Variants in POC1B observed in about 807,000 individuals in gnomAD.
The protein encoded by POC1B is POC1 centriolar protein homolog B.
In POC1B, 44 loss-of-function variants were observed where a neutral mutation model predicts 60.6. The ratio of observed to expected loss-of-function variants is 0.73; its 90% CI spans 0.57 to 0.93. POC1B has a LOEUF of 0.93. Ranked by LOEUF, POC1B falls within the 40% of genes least tolerant of loss-of-function variation. The pLI, the probability that POC1B is intolerant of heterozygous loss-of-function variation, is 0.00. For synonymous variants in POC1B, 180 were observed against 198.9 expected (o/e 0.90, Z 0.80); for missense variants, 555 against 572.3 (o/e 0.97, Z 0.31).
intron 2 of POC1B, chr12:89,523,221 G>C (rs753721170): frequency 6.2e-7 from 1 of 1,613,916 alleles, no homozygotes; most frequent in Admixed American, 1.7e-5. Flanking sequence ...CCCCATGCCA[G>C]CCTGGTCTAT....
intron 10 of POC1B, among the ~76,000 whole-genome samples, chr12:89,451,990 A>G (rs548437720): frequency 1.2e-4 from 18 of 152,288 alleles, no homozygotes; most frequent in African/African-American, 4.3e-4. Flanking sequence ...GGAGACAAGC[A>G]CTTTTCAGGG....
chr12:89,431,759 G>A (rs913410297), intron 10 of POC1B, among the ~76,000 whole-genome samples: 6 of 152,212 alleles, frequency 3.9e-5, no homozygotes, highest in African/African-American at 1.4e-4. Flanking sequence ...TACTGCTGCT[G>A]TAACAAATTA....
chr12:89,466,962 C>T lies in POC1B; in HGVS notation c.880-40G>A, dbSNP rs750477410. 6 of 1,564,712 alleles carry T rather than the reference C, an allele frequency of 3.8e-6. No individual in the cohort carries two copies. In the African/African-American group the frequency reaches 8.1e-5, roughly 21 times the overall value. On this transcript the variant is annotated intron_variant, in intron 8 of 11. Transcript: ENST00000313546. ...AATGATGTTGGCAGTTATTGACTTG[C>T]ATGTACAAGCAATAGAGCTGATTTT...
At chr12:89,473,675 A>G (rs1234036833) in intron 4 of POC1B, among the ~76,000 whole-genome samples, 1 of 151,434 alleles carries the variant, frequency 6.6e-6, no homozygotes, top group Admixed American at 6.6e-5. Flanking sequence ...AGAAAAAAAA[A>G]AAAAAAAAAA....
At chr12:89,407,188 G>C in the POC1B span, among the ~76,000 whole-genome samples, 1 of 146,936 alleles carries the variant, frequency 6.8e-6, no homozygotes, top group Non-Finnish European at 1.5e-5. Context: ...CAGAAATCTA[G>C]ATTTTCACTT....
At position 89,497,175 on chromosome 12, in the gene POC1B, C is replaced by T; in HGVS notation, c.268G>A (p.Asp90Asn). Residue 90 changes from aspartate to asparagine, a missense_variant, in exon 3 of 12, where the codon GAT becomes AAT. Coordinates refer to ENST00000313546, the MANE Select transcript of POC1B (RefSeq NM_172240.3). Reference sequence around the variant, plus strand: ...GTGTTTCTTTGTTTCTCTTACTTATCAGGAATCCAGAGTCTCACGGTTCTG... The same window carrying T: ...GTGTTTCTTTGTTTCTCTTACTTATTAGGAATCCAGAGTCTCACGGTTCTG... ...RDRTVRLWIPDKRGKFSEFKA... is the reference protein window; with the variant it reads ...RDRTVRLWIPNKRGKFSEFKA... 1 of 1,611,360 alleles carries T rather than the reference C, an allele frequency of 6.2e-7. No homozygotes were observed. The highest frequency in any genetic ancestry group is 8.5e-7 in the Non-Finnish European group (1 of 1,178,970).
At chr12:89,512,451 A>AC (rs571813537) in intron 2 of POC1B, among the ~76,000 whole-genome samples, 2,236 of 152,276 alleles carry the variant, frequency 0.015, 43 homozygotes, top group Middle Eastern at 0.048. Context: ...TGGGCCTAGT[A>AC]TTTTTCAATA....
chr12:89,457,102 T>C (rs1220666204), intron 10 of POC1B, among the ~76,000 whole-genome samples: 5 of 152,156 alleles, frequency 3.3e-5, no homozygotes, highest in Non-Finnish European at 7.4e-5. Flanking sequence ...TAAACACTAC[T>C]TTTTTTGGCT....
At chr12:89,489,134 A>C (rs531185775) in intron 4 of POC1B, among the ~76,000 whole-genome samples, 1 of 152,226 alleles carries the variant, frequency 6.6e-6, no homozygotes, top group Non-Finnish European at 1.5e-5. Context: ...TTTAGTAAGA[A>C]TGAGTGTCCA....
chr12:89,491,936 T>G lies in POC1B; in HGVS notation c.452A>C (p.Lys151Thr), dbSNP rs1351222463. 1 of 1,498,450 alleles carries G rather than the reference T, an allele frequency of 6.7e-7. No homozygotes were observed. The highest frequency in any genetic ancestry group is 1.4e-5 in the African/African-American group (1 of 70,840). 92.8% of individuals were successfully genotyped at this position (1,498,450 alleles called of 1,614,324 possible). A position where few individuals can be genotyped will look rare whatever the true frequency, so the allele number is the denominator to read the frequency against. Residue 151 changes from lysine to threonine, a missense_variant and splice_region_variant, in exon 4 of 12, where the codon AAA (lysine) becomes ACA (threonine). Transcript: ENST00000313546. ...TTAATATGAAATTTTTTGCACTTAC[T>G]TGGCACAGCGTACCCAGTGTGTATG... is the stretch of plus-strand genomic sequence containing the variant. ...YRHTHWVRCA[K>T]FSPDGRLIVS...
chr12:89,470,994 AG>A (rs571242049), intron 6 of POC1B, among the ~76,000 whole-genome samples: 2 of 152,234 alleles, frequency 1.3e-5, no homozygotes, highest in African/African-American at 2.4e-5. Context: ...CTGTGTAAGC[AG>A]GAAGACCTAA....
At chr12:89,453,124 A>G (rs1882121004) in intron 10 of POC1B, among the ~76,000 whole-genome samples, 1 of 152,166 alleles carries the variant, frequency 6.6e-6, no homozygotes. Flanking sequence ...GTTAGTTATC[A>G]TGTATGTTCT....
chr12:89,500,283 G>A (rs1312037944), intron 2 of POC1B: 7 of 1,542,016 alleles, frequency 4.5e-6, no homozygotes, highest in Admixed American at 1.8e-5. Flanking sequence ...AATTCAACAC[G>A]CAAAATAAAA....
intron 10 of POC1B, among the ~76,000 whole-genome samples, chr12:89,435,994 G>A (rs776602663): frequency 1.3e-5 from 2 of 151,558 alleles, no homozygotes; most frequent in Non-Finnish European, 2.9e-5. Context: ...CGCCAGGCTG[G>A]AATGTAGTGG....
chr12:89,475,643 T>C (rs1267581702), intron 4 of POC1B, among the ~76,000 whole-genome samples: 2 of 152,130 alleles, frequency 1.3e-5, no homozygotes, highest in African/African-American at 4.8e-5. Context: ...AAATAACATC[T>C]AACTAGACTT....
At chr12:89,494,215 T>TTTA (rs1869128865) in intron 3 of POC1B, among the ~76,000 whole-genome samples, 8 of 141,156 alleles carry the variant, frequency 5.7e-5, no homozygotes, top group Non-Finnish European at 9.7e-5. Context: ...AATTTTATTT[T>TTTA]TTTATTTTTA....
At chr12:89,494,486 CTTTGAGGGGAGGTGTTGTGACT>C (rs909362317) in intron 3 of POC1B, among the ~76,000 whole-genome samples, 11 of 152,254 alleles carry the variant, frequency 7.2e-5, no homozygotes, top group African/African-American at 2.6e-4. Flanking sequence ...TTTCCCCTCC[CTTTGAGGGGAGGTGTTGTGACT>C]TTTGAGGGGA....
rs752236027 is a variant in POC1B, at chr12:89,523,608, A to T, written c.100+1512T>A. ...ACTGAAAATATTTCTTGCTGACAGC[A>T]AACAGTCCTCCAGCCATGGTAGGTG... On this transcript the variant is annotated intron_variant, in intron 2 of 11. Transcript: ENST00000313546. 1.9e-6 allele frequency: 3 copies of T among 1,558,786 alleles called. No individual in the cohort carries two copies. In the South Asian group the frequency reaches 3.8e-5, roughly 20 times the overall value.
At chr12:89,411,858 AC>A in the POC1B span, among the ~76,000 whole-genome samples, 1 of 152,032 alleles carries the variant, frequency 6.6e-6, no homozygotes, top group Non-Finnish European at 1.5e-5. Context: ...AAAAAGCAAC[AC>A]CCCCTTGCAA....
Sources: gnomAD v4.1 joint callset for allele counts (sites outside exome capture counted in the v4.1 genomes callset) on GRCh38, gnomAD v4.1.1 for gene constraint, MANE v1.5 for transcripts, NCBI Gene and HGNC (gene_info 2026-07-23, HGNC 2026-07-21) for gene names.